The following FBLN7 variants were observed in gnomAD, a reference collection of about 807,000 sequenced individuals.
The protein encoded by FBLN7 is fibulin-7.
In FBLN7, 31 loss-of-function variants were observed where a neutral mutation model predicts 44.0. The observed-to-expected ratio is 0.70, with a 90% CI of 0.53 to 0.95. The LOEUF is 0.95. FBLN7 is among the 40% of genes least tolerant of loss of function. The pLI, the probability that FBLN7 is intolerant of heterozygous loss-of-function variation, is 0.00. For synonymous variants in FBLN7, 262 were observed against 253.4 expected (o/e 1.03, Z -0.32); for missense variants, 573 against 618.5 (o/e 0.93, Z 0.78).
the FBLN7 span, among the ~76,000 whole-genome samples, chr2:112,217,682 T>C: frequency 6.6e-6 from 1 of 152,220 alleles, no homozygotes; most frequent in Non-Finnish European, 1.5e-5. Context: ...AGTCTTTAGG[T>C]ACAGGAAAGC....
At chr2:112,211,338 A>G in the FBLN7 span, among the ~76,000 whole-genome samples, 2 of 152,194 alleles carry the variant, frequency 1.3e-5, no homozygotes, top group South Asian at 4.1e-4. Flanking sequence ...CATGATATTC[A>G]TAATAATGCC....
the FBLN7 span, among the ~76,000 whole-genome samples, chr2:112,206,450 T>C: frequency 2.3e-4 from 35 of 152,336 alleles, no homozygotes; most frequent in African/African-American, 6.3e-4. Context: ...TCATTTTGCT[T>C]TGGATTTATT....
At chr2:112,238,663 A>G in the FBLN7 span, 9 of 587,062 alleles carry the variant, frequency 1.5e-5, no homozygotes, top group Admixed American at 2.5e-4. Flanking sequence ...TTCATATACT[A>G]TTCTCTCCAC....
the FBLN7 span, among the ~76,000 whole-genome samples, chr2:112,226,081 CA>C: frequency 2.9e-5 from 4 of 139,126 alleles, no homozygotes; most frequent in Non-Finnish European, 1.6e-5. Context: ...GACTTCATCT[CA>C]AAAAAAAAAG....
chr2:112,150,790 G>A (rs925945923), intron 1 of FBLN7, among the ~76,000 whole-genome samples: 2 of 152,130 alleles, frequency 1.3e-5, no homozygotes, highest in African/African-American at 2.4e-5. Flanking sequence ...TCAAAGACCA[G>A]GTCCATAACA....
intron 4 of FBLN7, among the ~76,000 whole-genome samples, chr2:112,179,815 C>T (rs1682899581): frequency 6.6e-6 from 1 of 152,204 alleles, no homozygotes; most frequent in South Asian, 2.1e-4. Flanking sequence ...TGAACCACTT[C>T]TTACACCACA....
At chr2:112,140,233 G>T (rs545970773) in intron 1 of FBLN7, among the ~76,000 whole-genome samples, 5 of 116,192 alleles carry the variant, frequency 4.3e-5, no homozygotes, top group Non-Finnish European at 7.1e-5. Context: ...CCCCTGTCCC[G>T]CGCGCCTCTC....
intron 7 of FBLN7, 137 bp from the exon 8 acceptor site, chr2:112,186,997 C>A: frequency 9.7e-7 from 1 of 1,031,146 alleles, no homozygotes; most frequent in Non-Finnish European, 1.4e-6. Context: ...AGCTCCATAG[C>A]TCCTGGGTGA....
At chr2:112,184,750 A>G (rs1683172250) in intron 6 of FBLN7, among the ~76,000 whole-genome samples, 2 of 77,342 alleles carry the variant, frequency 2.6e-5, no homozygotes, top group South Asian at 9.7e-4. Context: ...ATATATACAC[A>G]CACCATATAT....
intron 1 of FBLN7, among the ~76,000 whole-genome samples, chr2:112,158,667 G>T (rs1198035930): frequency 6.6e-6 from 1 of 151,892 alleles, no homozygotes; most frequent in South Asian, 2.1e-4. Context: ...TCGAACTTCT[G>T]ACCTCACATG....
the FBLN7 span, chr2:112,216,432 A>C: frequency 6.6e-6 from 1 of 152,280 alleles, no homozygotes; most frequent in African/African-American, 2.4e-5. Flanking sequence ...TTGAACACGC[A>C]TGGGCGTTAA....
intron 1 of FBLN7, among the ~76,000 whole-genome samples, chr2:112,141,215 G>A (rs1369590073): frequency 1.3e-5 from 2 of 152,226 alleles, no homozygotes; most frequent in Admixed American, 1.3e-4. Context: ...CCTGTGAAGT[G>A]GGGACTGTTA....
At chr2:112,151,083 G>T (rs570104117) in intron 1 of FBLN7, among the ~76,000 whole-genome samples, 14 of 152,260 alleles carry the variant, frequency 9.2e-5, no homozygotes, top group African/African-American at 3.1e-4. Flanking sequence ...CAGGCAGAGG[G>T]CCCAGCCGGT....
At chr2:112,165,320 A>G in intron 3 of FBLN7, 149 bp downstream of exon 3, 1 of 972,944 alleles carries the variant, frequency 1.0e-6, no homozygotes, top group Non-Finnish European at 1.5e-6. Context: ...GTGCCTGATC[A>G]CTCACCTCCA....
chr2:112,197,037 C>T, the FBLN7 span, among the ~76,000 whole-genome samples: 1 of 152,032 alleles, frequency 6.6e-6, no homozygotes, highest in Non-Finnish European at 1.5e-5. Context: ...AGTTATCTCC[C>T]ACCAGGTCCC....
At chr2:112,180,763 A>C (rs143161363) in intron 4 of FBLN7, among the ~76,000 whole-genome samples, 2 of 152,002 alleles carry the variant, frequency 1.3e-5, no homozygotes, top group Non-Finnish European at 2.9e-5. Context: ...TACTAAAAAA[A>C]TACAAAAAAA....
At chr2:112,197,274 C>CAG in the FBLN7 span, among the ~76,000 whole-genome samples, 144 of 98,650 alleles carry the variant, frequency 1.5e-3, no homozygotes, top group Middle Eastern at 6.0e-3. Context: ...CACACACACA[C>CAG]AGAGAGAGAG....
At chr2:112,164,903 C>A in intron 2 of FBLN7, 98 bp from the exon 3 acceptor site, 2 of 1,351,536 alleles carry the variant, frequency 1.5e-6, no homozygotes, top group Non-Finnish European at 2.0e-6. Flanking sequence ...AGGCATGCAA[C>A]AGAGGGCACT....
At chr2:112,198,264 G>T in the FBLN7 span, among the ~76,000 whole-genome samples, 497 of 152,270 alleles carry the variant, frequency 3.3e-3, 1 homozygote, top group African/African-American at 0.011. Context: ...CAAGGTGATG[G>T]TGTTACCAAG....
Sources: gnomAD v4.1 joint callset for allele counts (sites outside exome capture counted in the v4.1 genomes callset) on GRCh38, gnomAD v4.1.1 for gene constraint, MANE v1.5 for transcripts, NCBI Gene and HGNC (gene_info 2026-07-23, HGNC 2026-07-21) for gene names.